The following MLLT10 variants were observed in gnomAD, a reference collection of about 807,000 sequenced individuals.
The protein encoded by MLLT10 is MLLT10 histone lysine methyltransferase DOT1L cofactor, also known as protein AF-10.
A neutral mutation model predicts 129.1 loss-of-function variants in MLLT10; 30 were observed. That is an observed-to-expected ratio of 0.23 (90% CI 0.17 to 0.32). The LOEUF (loss-of-function observed/expected upper bound fraction) is 0.32, where lower values mean the gene tolerates loss of function less well. Among genes scored for constraint, MLLT10 ranks in the 10% least tolerant of loss-of-function variants. The probability of loss-of-function intolerance (pLI) is 1.00; values close to 1 mark genes in which losing one functional copy is unlikely to be tolerated. For synonymous variants in MLLT10, 490 were observed against 446.4 expected, an observed-to-expected ratio of 1.10 and a Z score of -1.23; for missense variants, 1,119 against 1,268.3, an observed-to-expected ratio of 0.88 and a Z score of 1.79.
At chr10:21,628,445 T>TTC (rs1304168954) in intron 8 of MLLT10, among the ~76,000 whole-genome samples, 2 of 147,562 alleles carry the variant, frequency 1.4e-5, no homozygotes, top group Non-Finnish European at 3.0e-5. Flanking sequence ...TTTTTTTTTT[T>TTC]TTTTTTTTGA....
intron 3 of MLLT10, among the ~76,000 whole-genome samples, chr10:21,547,062 G>T (rs1056150615): frequency 1.3e-5 from 2 of 151,966 alleles, no homozygotes; most frequent in African/African-American, 4.8e-5. Flanking sequence ...TAGAAATGGG[G>T]TTTTACCATG....
At chr10:21,560,168 G>A (rs1333689380) in intron 3 of MLLT10, among the ~76,000 whole-genome samples, 2 of 152,086 alleles carry the variant, frequency 1.3e-5, no homozygotes, top group Admixed American at 1.3e-4. Flanking sequence ...ACCACACCCG[G>A]CTAATTTTGT....
At chr10:21,619,188 T>TA (rs1357440982) in intron 8 of MLLT10, among the ~76,000 whole-genome samples, 1 of 152,140 alleles carries the variant, frequency 6.6e-6, no homozygotes, top group Non-Finnish European at 1.5e-5. Context: ...AGATTGCTGA[T>TA]AAAAAATAGC....
intron 8 of MLLT10, among the ~76,000 whole-genome samples, chr10:21,642,314 T>C (rs1012167518): frequency 6.6e-5 from 10 of 152,022 alleles, no homozygotes; most frequent in Non-Finnish European, 1.5e-4. Flanking sequence ...ATCGTGCCAT[T>C]GCACTCCAGC....
rs148827631 is a variant in MLLT10, at chr10:21,727,879, C to T, written c.2014C>T (p.Arg672Cys). 1.8e-5 allele frequency: 29 copies of T among 1,613,838 alleles called. No individual in the cohort carries two copies. The highest frequency in any genetic ancestry group is 6.7e-5 in the East Asian group (3 of 44,896). ...QTDQDLGDNS[R>C]NLVGRGSSPR... The stretch of plus-strand genomic sequence containing the variant: ...AGATCAAGATCTTGGAGACAATAGC[C>T]GCAACCTAGTTGGCAGAGGAAGCTC... The change falls in exon 16 of 23, where the codon CGC becomes TGC. Residue 672 changes from arginine to cysteine, a missense_variant. Physicochemically the swap from Arg to Cys is radical, Grantham distance 180. Coordinates refer to ENST00000307729, the MANE Select transcript of MLLT10 (RefSeq NM_001195626.3).
chr10:21,712,534 T>C (rs2056200998), intron 13 of MLLT10, among the ~76,000 whole-genome samples: 1 of 152,242 alleles, frequency 6.6e-6, no homozygotes, highest in Admixed American at 6.5e-5. Flanking sequence ...TTCTTTTTTC[T>C]GCAGCCCACT....
Position 21,534,316 on chromosome 10 carries a change from C to G in MLLT10, c.-205C>G, listed in dbSNP as rs924231367. On this transcript the variant is annotated 5_prime_UTR_variant, in exon 1 of 23. Transcript: ENST00000307729. ...CCTGGCCCAGCGGGAGCCCCCCCTC[C>G]CCCCAGTGCGCCTGTGCGGAGGCCC... 1.0e-5 allele frequency: 4 copies of G among 394,514 alleles called. No individual in the cohort carries two copies. Among genetic ancestry groups the G allele is most frequent in the African/African-American group, 2.1e-5 (1 of 48,410 alleles). The allele number at this position is 394,514 out of a possible 1,614,324, so 24.4% of individuals were successfully genotyped here. A position where few individuals can be genotyped will look rare whatever the true frequency, so the allele number is the denominator to read the frequency against.
At chr10:21,535,075 G>A (rs1483449670) in intron 2 of MLLT10, among the ~76,000 whole-genome samples, 2 of 148,506 alleles carry the variant, frequency 1.3e-5, no homozygotes, top group Admixed American at 6.7e-5. Flanking sequence ...TCGGCGGGGC[G>A]GGGCGGGGCA....
intron 13 of MLLT10, among the ~76,000 whole-genome samples, chr10:21,711,009 C>G (rs973677001): frequency 4.6e-5 from 7 of 152,134 alleles, no homozygotes; most frequent in African/African-American, 1.7e-4. Flanking sequence ...TCACCAGGTT[C>G]TATTGGTCTA....
rs542764782 is a variant in MLLT10 at position 21,539,133 on chromosome 10, A to G, written c.240+221A>G. Among the ~76,000 whole-genome samples the G allele has an allele frequency of 2.0e-5, 3 of 152,388 alleles. No homozygotes were observed. The South Asian group carries it at 6.2e-4, about 32-fold the overall frequency. The stretch of plus-strand genomic sequence containing the variant: ...ATATTTTGGATACTTTGAAAACAAA[A>G]ATACATAGTCATATTTGGGCTTTGT... On this transcript the variant is annotated intron_variant, in intron 3 of 22. Coordinates refer to ENST00000307729, the MANE Select transcript of MLLT10 (RefSeq NM_001195626.3).
At chr10:21,673,325 T>C in intron 10 of MLLT10, 25 bp from the exon 11 acceptor site, 2 of 948,306 alleles carry the variant, frequency 2.1e-6, no homozygotes, top group East Asian at 3.3e-5. Context: ...CAACTTTTTT[T>C]TTTTTTTTTT....
At chr10:21,637,948 C>T (rs2047612589) in intron 8 of MLLT10, among the ~76,000 whole-genome samples, 1 of 152,132 alleles carries the variant, frequency 6.6e-6, no homozygotes, top group Non-Finnish European at 1.5e-5. Flanking sequence ...GATATTGCAT[C>T]TCTTCCTACC....
rs376373930 is a variant in MLLT10 at position 21,682,990 on chromosome 10, C to T, written c.1699+733C>T. 5.3e-5 allele frequency among the ~76,000 whole-genome samples: 8 copies of T among 152,148 alleles called. No individual in the cohort carries two copies. In the East Asian group the frequency reaches 7.7e-4, roughly 15 times the overall value. On this transcript the variant is annotated intron_variant, in intron 13 of 22. Coordinates refer to ENST00000307729, the MANE Select transcript of MLLT10 (RefSeq NM_001195626.3). ...TCATTTGTTCGAGACTGTTTATGTT[C>T]GACTCATTTGTTCAAGACTGCTTGA... is the stretch of plus-strand genomic sequence containing the variant.
intron 13 of MLLT10, among the ~76,000 whole-genome samples, chr10:21,684,400 A>G (rs1314346642): frequency 2.0e-5 from 3 of 152,024 alleles, no homozygotes; most frequent in Non-Finnish European, 4.4e-5. Context: ...ATTTCGAAAA[A>G]CCTAATAAGC....
intron 16 of MLLT10, among the ~76,000 whole-genome samples, chr10:21,728,406 T>C (rs1345659692): frequency 6.6e-6 from 1 of 152,228 alleles, no homozygotes; most frequent in African/African-American, 2.4e-5. Flanking sequence ...TTACAAGTTT[T>C]TTGAAATCAT....
At chr10:21,576,490 C>T (rs147144599) in intron 3 of MLLT10, among the ~76,000 whole-genome samples, 1,908 of 151,394 alleles carry the variant, frequency 0.013, 23 homozygotes, top group Middle Eastern at 0.028. Context: ...CCACCCACCT[C>T]GGCCTCCCAA....
chr10:21,591,541 T>G (rs1239803628), intron 4 of MLLT10, among the ~76,000 whole-genome samples: 2 of 152,168 alleles, frequency 1.3e-5, no homozygotes, highest in Non-Finnish European at 2.9e-5. Context: ...TTTAATCAGT[T>G]TAACAATGCA....
rs371791016 is a variant in MLLT10 at position 21,651,735 on chromosome 10, A to G, written c.762A>G (p.Ala254=). The G allele has an allele frequency of 2.5e-6, 4 of 1,613,168 alleles. No individual in the cohort carries two copies. Among genetic ancestry groups the G allele is most frequent in the South Asian group, 2.2e-5 (2 of 90,964 alleles). The part of the protein sequence containing the change: ...KHKKQPEPSP[A]LVPSLTVTTE... ...AGAAGCAGCCAGAACCATCACCTGC[A>G]TTGGTTCCATCCTTGACTGTTACTA... is the stretch of plus-strand genomic sequence containing the variant. The change falls in exon 9 of 23, where the codon GCA becomes GCG. Residue 254 remains alanine (A), a synonymous_variant. Transcript: ENST00000307729.
chr10:21,536,218 G>C (rs564804265), intron 2 of MLLT10, among the ~76,000 whole-genome samples: 1 of 152,182 alleles, frequency 6.6e-6, no homozygotes, highest in Non-Finnish European at 1.5e-5. Context: ...TGGGATTACC[G>C]GCGTCAGCCA....
Sources: gnomAD v4.1 joint callset for allele counts (sites outside exome capture counted in the v4.1 genomes callset) on GRCh38, gnomAD v4.1.1 for gene constraint, MANE v1.5 for transcripts, NCBI Gene and HGNC (gene_info 2026-07-23, HGNC 2026-07-21) for gene names.